The following SLC35F1 variants were observed in gnomAD, a reference collection of about 807,000 sequenced individuals.
SLC35F1 encodes the protein chromosome 6 open reading frame 169.
SLC35F1 carries 14 observed loss-of-function variants against 48.7 expected under a neutral mutation model. The ratio of observed to expected loss-of-function variants is 0.29; its 90% CI spans 0.19 to 0.45. The LOEUF is 0.45. Ranked by LOEUF, SLC35F1 falls within the 20% of genes least tolerant of loss-of-function variation. SLC35F1 has a pLI of 1.00. For synonymous variants in SLC35F1, 190 were observed against 202.2 expected, an observed-to-expected ratio of 0.94 and a Z score of 0.51; for missense variants, 404 against 500.0, an observed-to-expected ratio of 0.81 and a Z score of 1.83.
At chr6:118,073,282 G>T (rs1021341134) in intron 1 of SLC35F1, among the ~76,000 whole-genome samples, 1 of 152,150 alleles carries the variant, frequency 6.6e-6, no homozygotes, top group Non-Finnish European at 1.5e-5. Context: ...TCTGATTTTG[G>T]TGTTGGGACA....
intron 1 of SLC35F1, among the ~76,000 whole-genome samples, chr6:117,939,780 G>A (rs942672081): frequency 1.3e-5 from 2 of 152,150 alleles, no homozygotes; most frequent in African/African-American, 2.4e-5. Context: ...GTTAAATTAG[G>A]AGAGTTCTCC....
chr6:118,290,099 C>T (rs1204579595), intron 7 of SLC35F1, among the ~76,000 whole-genome samples: 2 of 152,180 alleles, frequency 1.3e-5, no homozygotes, highest in African/African-American at 4.8e-5. Flanking sequence ...TTGAGAACCA[C>T]TGATTTAACA....
At chr6:118,272,737 G>GTGTGTATATATATATATA (rs201515909) in intron 4 of SLC35F1, among the ~76,000 whole-genome samples, 6 of 120,230 alleles carry the variant, frequency 5.0e-5, no homozygotes, top group African/African-American at 1.6e-4. Context: ...ATATGTGTGT[G>GTGTGTATATATATATATA]TATATATATA....
intron 6 of SLC35F1, among the ~76,000 whole-genome samples, chr6:118,279,385 C>A (rs1354203164): frequency 6.6e-6 from 1 of 152,100 alleles, no homozygotes; most frequent in Non-Finnish European, 1.5e-5. Context: ...GTGTTTACAC[C>A]AGGGCCTCCT....
intron 1 of SLC35F1, among the ~76,000 whole-genome samples, chr6:118,052,254 A>AT (rs981519867): frequency 1.3e-5 from 2 of 152,064 alleles, no homozygotes; most frequent in African/African-American, 2.4e-5. Flanking sequence ...GTAAAAAGAA[A>AT]TTTTTTCTTC....
chr6:118,026,048 C>T (rs778315310), intron 1 of SLC35F1, among the ~76,000 whole-genome samples: 19 of 152,072 alleles, frequency 1.2e-4, no homozygotes, highest in African/African-American at 4.1e-4. Context: ...TGATTCACAC[C>T]GTCTCCAGCC....
intron 7 of SLC35F1, among the ~76,000 whole-genome samples, chr6:118,302,436 A>C (rs995982237): frequency 6.6e-6 from 1 of 152,204 alleles, no homozygotes; most frequent in Non-Finnish European, 1.5e-5. Context: ...CAGAGAAAAG[A>C]GACTGGTATA....
intron 3 of SLC35F1, among the ~76,000 whole-genome samples, chr6:118,256,731 A>C (rs1775651177): frequency 6.6e-6 from 1 of 152,184 alleles, no homozygotes; most frequent in Non-Finnish European, 1.5e-5. Context: ...ATATATTTTG[A>C]AAGAAGTACA....
At chr6:117,972,619 G>A (rs569894672) in intron 1 of SLC35F1, among the ~76,000 whole-genome samples, 6 of 152,172 alleles carry the variant, frequency 3.9e-5, no homozygotes, top group Non-Finnish European at 8.8e-5. Flanking sequence ...ATCTTACATG[G>A]TGGCAGGCAA....
rs570433848 is a variant in SLC35F1 at position 118,275,451 on chromosome 6, G to T, written c.638-8G>T. 5 of 1,607,944 alleles carry T rather than the reference G, an allele frequency of 3.1e-6. No individual in the cohort carries two copies. The highest frequency in any genetic ancestry group is 1.3e-5 in the African/African-American group (1 of 74,640). On this transcript the variant is annotated splice_polypyrimidine_tract_variant and splice_region_variant and intron_variant, in intron 4 of 7. Transcript: ENST00000360388. ...CTCCCTCTGTTTGTTTGTTTGGTTG[G>T]TTCCTAGGGGAAAATAAGCTGGTAG...
At chr6:118,001,499 A>G (rs539191517) in intron 1 of SLC35F1, among the ~76,000 whole-genome samples, 1 of 152,366 alleles carries the variant, frequency 6.6e-6, no homozygotes, top group East Asian at 1.9e-4. Flanking sequence ...TAAAAATCCT[A>G]GAAGAAAACC....
intron 1 of SLC35F1, among the ~76,000 whole-genome samples, chr6:118,136,288 C>T (rs1159992825): frequency 2.0e-5 from 3 of 152,178 alleles, no homozygotes; most frequent in Non-Finnish European, 4.4e-5. Flanking sequence ...ACTCATTGAG[C>T]ATGCTGTTTT....
At chr6:118,165,583 A>G (rs936704084) in intron 2 of SLC35F1, among the ~76,000 whole-genome samples, 1 of 152,202 alleles carries the variant, frequency 6.6e-6, no homozygotes. Context: ...CTTCCACAAT[A>G]CACATAGAAT....
At chr6:117,985,410 G>A (rs1180514430) in intron 1 of SLC35F1, among the ~76,000 whole-genome samples, 1 of 152,210 alleles carries the variant, frequency 6.6e-6, no homozygotes, top group Non-Finnish European at 1.5e-5. Flanking sequence ...CACTTGTAAT[G>A]GGCACATGGA....
chr6:117,923,643 G>GTACACATA lies in SLC35F1; in HGVS notation c.173+15748_173+15749insCATATACA, dbSNP rs1562238592. ...TGTATATATACATATATGTACATAT[G>GTACACATA]TACATATGTACATATGTATATATAC... On this transcript the variant is annotated intron_variant, in intron 1 of 7. Coordinates refer to ENST00000360388, the MANE Select transcript of SLC35F1 (RefSeq NM_001029858.4). Among the ~76,000 whole-genome samples, 372 of 58,772 alleles carry GTACACATA rather than the reference G, an allele frequency of 6.3e-3. 81 individuals carry two copies. Among genetic ancestry groups the GTACACATA allele is most frequent in the Non-Finnish European group, 0.01 (274 of 26,268 alleles). 38.6% of individuals were successfully genotyped at this position (58,772 alleles called of 152,430 possible). A position where few individuals can be genotyped will look rare whatever the true frequency, so the allele number is the denominator to read the frequency against.
At chr6:117,960,538 T>A (rs1025218854) in intron 1 of SLC35F1, among the ~76,000 whole-genome samples, 1 of 152,136 alleles carries the variant, frequency 6.6e-6, no homozygotes, top group Admixed American at 6.5e-5. Context: ...CTATGTCAGC[T>A]TTCTTACTTC....
At chr6:118,044,570 G>A (rs1772273107) in intron 1 of SLC35F1, among the ~76,000 whole-genome samples, 1 of 152,082 alleles carries the variant, frequency 6.6e-6, no homozygotes, top group African/African-American at 2.4e-5. Context: ...TTTTCCTGAG[G>A]TCCTTATGTC....
chr6:118,285,149 G>T (rs374428018), intron 6 of SLC35F1, 35 bp from the exon 7 acceptor site: 1 of 1,606,006 alleles, frequency 6.2e-7, no homozygotes. Flanking sequence ...CCTGGAGGAG[G>T]CCCTGACGCT....
intron 2 of SLC35F1, among the ~76,000 whole-genome samples, chr6:118,168,951 T>C (rs566403954): frequency 6.6e-6 from 1 of 152,326 alleles, no homozygotes; most frequent in South Asian, 2.1e-4. Context: ...ACTGGGACTG[T>C]TAGCATCTGC....
Sources: allele counts gnomAD v4.1 joint callset (sites outside exome capture counted in the v4.1 genomes callset), GRCh38; gene constraint gnomAD v4.1.1; transcripts MANE v1.5; gene names NCBI Gene and HGNC (gene_info 2026-07-23, HGNC 2026-07-21).